The following GALNTL6 variants were observed in gnomAD, a reference collection of about 807,000 sequenced individuals.
GALNTL6 encodes polypeptide N-acetylgalactosaminyltransferase-like 6.
In GALNTL6, 46 loss-of-function variants were observed where a neutral mutation model predicts 73.7. That is an observed-to-expected ratio of 0.62 (90% CI 0.49 to 0.80). The LOEUF (loss-of-function observed/expected upper bound fraction) is 0.80. Among genes scored for constraint, GALNTL6 ranks in the 30% least tolerant of loss-of-function variants. The pLI is 0.00. For synonymous variants in GALNTL6, 259 were observed against 263.7 expected, an observed-to-expected ratio of 0.98 and a Z score of 0.17; for missense variants, 604 against 755.0, an observed-to-expected ratio of 0.80 and a Z score of 2.34.
chr4:172,127,721 T>C (rs2111011403), intron 2 of GALNTL6, among the ~76,000 whole-genome samples: 1 of 152,348 alleles, frequency 6.6e-6, no homozygotes, highest in Non-Finnish European at 1.5e-5. Flanking sequence ...GTCTTATTTA[T>C]CGAAGTGTTA....
At chr4:172,129,890 A>C (rs1271928602) in intron 2 of GALNTL6, among the ~76,000 whole-genome samples, 1 of 152,222 alleles carries the variant, frequency 6.6e-6, no homozygotes, top group East Asian at 1.9e-4. Context: ...GTCTGAGGGG[A>C]TCTCATTTTG....
At chr4:172,058,387 A>G (rs1337383224) in intron 2 of GALNTL6, among the ~76,000 whole-genome samples, 1 of 152,202 alleles carries the variant, frequency 6.6e-6, no homozygotes, top group African/African-American at 2.4e-5. Context: ...AGATCTCGAA[A>G]AATACGAACT....
chr4:172,117,214 A>G (rs951682770), intron 2 of GALNTL6, among the ~76,000 whole-genome samples: 47 of 152,274 alleles, frequency 3.1e-4, no homozygotes, highest in African/African-American at 1.1e-3. Context: ...TGCAATAGCT[A>G]TTTTTCAGTC....
chr4:172,970,842 G>A (rs1561063094), intron 10 of GALNTL6, among the ~76,000 whole-genome samples: 1 of 152,208 alleles, frequency 6.6e-6, no homozygotes, highest in Non-Finnish European at 1.5e-5. Flanking sequence ...CACAATTAAT[G>A]TTCAGAGATT....
At chr4:172,931,350 C>A in intron 9 of GALNTL6, 82 bp downstream of exon 9, 1 of 807,448 alleles carries the variant, frequency 1.2e-6, no homozygotes, top group East Asian at 2.4e-5. Context: ...ATGGCACAGT[C>A]TGAGAAAAGC....
At chr4:172,751,913 C>T (rs4696015) in intron 5 of GALNTL6, among the ~76,000 whole-genome samples, 68,293 of 151,928 alleles carry the variant, frequency 0.45, 17,691 homozygotes, top group East Asian at 0.68. Context: ...CGTGCTTGTA[C>T]TTCTCATGAC....
At chr4:172,977,364 T>C (rs1204039039) in intron 10 of GALNTL6, among the ~76,000 whole-genome samples, 1 of 152,184 alleles carries the variant, frequency 6.6e-6, no homozygotes, top group African/African-American at 2.4e-5. Context: ...GTCACCTTTT[T>C]CTGTCTTTCC....
intron 5 of GALNTL6, among the ~76,000 whole-genome samples, chr4:172,606,665 A>ATATATATAC (rs1560832459): frequency 2.1e-4 from 8 of 38,808 alleles, no homozygotes; most frequent in African/African-American, 5.8e-4. Flanking sequence ...TATATATACT[A>ATATATATAC]TATATATATA....
chr4:172,114,496 C>T (rs145655821), intron 2 of GALNTL6, among the ~76,000 whole-genome samples: 52 of 152,152 alleles, frequency 3.4e-4, no homozygotes, highest in Middle Eastern at 3.4e-3. Context: ...AAGTTGTCAA[C>T]TTACAGCTTT....
intron 2 of GALNTL6, among the ~76,000 whole-genome samples, chr4:171,992,932 T>C (rs2110740803): frequency 6.6e-6 from 1 of 152,224 alleles, no homozygotes; most frequent in South Asian, 2.1e-4. Context: ...TTTCATCTAC[T>C]TCTTACATTT....
At chr4:172,446,592 T>G (rs1370723938) in intron 5 of GALNTL6, among the ~76,000 whole-genome samples, 1 of 152,226 alleles carries the variant, frequency 6.6e-6, no homozygotes, top group Admixed American at 6.5e-5. Context: ...GTGTTTTTTT[T>G]CTGGCTTACT....
intron 2 of GALNTL6, among the ~76,000 whole-genome samples, chr4:171,864,695 C>G (rs1333172000): frequency 6.6e-6 from 1 of 152,134 alleles, no homozygotes; most frequent in Non-Finnish European, 1.5e-5. Context: ...CCCCACAGTC[C>G]ACCTTCTAGT....
At chr4:172,240,748 T>G (rs1380569514) in intron 3 of GALNTL6, among the ~76,000 whole-genome samples, 1 of 152,210 alleles carries the variant, frequency 6.6e-6, no homozygotes, top group Non-Finnish European at 1.5e-5. Context: ...TTGATCCATT[T>G]TATTGTCATC....
rs187412675 is a variant in GALNTL6, at chr4:172,036,831, A to G, written c.139-192825A>G. 5.3e-4 allele frequency among the ~76,000 whole-genome samples: 81 copies of G among 152,278 alleles called. 1 individual carries two copies. The East Asian group carries it at 0.015, about 28-fold the overall frequency. ...AAAGGTTATTCTTATTGACTGGTAT[A>G]TTTAATTCATTGAATTTAGCCTTGA... On this transcript the variant is annotated intron_variant, in intron 2 of 12. Coordinates refer to ENST00000506823, the MANE Select transcript of GALNTL6 (RefSeq NM_001034845.3).
At chr4:172,006,311 A>G (rs1171046113) in intron 2 of GALNTL6, among the ~76,000 whole-genome samples, 1 of 152,006 alleles carries the variant, frequency 6.6e-6, no homozygotes, top group East Asian at 1.9e-4. Flanking sequence ...AAGTGCTTTG[A>G]GCTTTAGTGA....
intron 5 of GALNTL6, among the ~76,000 whole-genome samples, chr4:172,440,935 T>A (rs569480245): frequency 6.6e-6 from 1 of 152,136 alleles, no homozygotes; most frequent in African/African-American, 2.4e-5. Context: ...TTAAGTTTTA[T>A]CTTTTTGTGT....
At chr4:171,931,608 A>G (rs1188335079) in intron 2 of GALNTL6, among the ~76,000 whole-genome samples, 1 of 152,222 alleles carries the variant, frequency 6.6e-6, no homozygotes. Flanking sequence ...ATTAGTATTA[A>G]AACCAAGGAT....
At chr4:172,008,018 T>C (rs1318454730) in intron 2 of GALNTL6, among the ~76,000 whole-genome samples, 2 of 152,156 alleles carry the variant, frequency 1.3e-5, no homozygotes, top group Non-Finnish European at 2.9e-5. Context: ...CTTGTCCATG[T>C]GGTCATGAAT....
chr4:171,886,465 A>G (rs1352613609), intron 2 of GALNTL6, among the ~76,000 whole-genome samples: 1 of 131,782 alleles, frequency 7.6e-6, no homozygotes, highest in Non-Finnish European at 1.6e-5. Context: ...AAATCAGTGC[A>G]TTTTAGTTTA....
Sources: gnomAD v4.1 joint callset for allele counts (sites outside exome capture counted in the v4.1 genomes callset) on GRCh38, gnomAD v4.1.1 for gene constraint, MANE v1.5 for transcripts, NCBI Gene and HGNC (gene_info 2026-07-23, HGNC 2026-07-21) for gene names.